The following MACO1 variants were observed in gnomAD, a reference collection of about 807,000 sequenced individuals.
MACO1 encodes the protein macoilin.
MACO1 carries 14 observed loss-of-function variants against 78.7 expected under a neutral mutation model. The ratio of observed to expected loss-of-function variants is 0.18; its 90% confidence interval spans 0.12 to 0.28. The LOEUF is 0.28. Among genes scored for constraint, MACO1 ranks in the 10% least tolerant of loss-of-function variants. The probability of loss-of-function intolerance (pLI) is 1.00; values close to 1 mark genes in which losing one functional copy is unlikely to be tolerated. For synonymous variants in MACO1, 288 were observed against 291.6 expected (o/e 0.99, Z 0.12); for missense variants, 501 against 799.0 (o/e 0.63, Z 4.50).
rs1307448779 is a variant in MACO1, at chr1:25,430,980, G to C, written c.-119G>C. 1 of 554,406 alleles carries C rather than the reference G, an allele frequency of 1.8e-6. No homozygotes were observed. Among genetic ancestry groups the C allele is most frequent in the East Asian group, 4.2e-5 (1 of 23,536 alleles). The allele number at this position is 554,406 out of a possible 1,614,324, so 34.3% of individuals were successfully genotyped here. A position where few individuals can be genotyped will look rare whatever the true frequency, so the allele number is the denominator to read the frequency against. Reference sequence around the variant, plus strand: ...CCCTCCCCCCGGGTGCTGGCTCCATGTCTGTGTGACCGGCCTCAGGGGTAG... The same window carrying C: ...CCCTCCCCCCGGGTGCTGGCTCCATCTCTGTGTGACCGGCCTCAGGGGTAG... On this transcript the variant is annotated 5_prime_UTR_variant, in exon 1 of 11. It removes an upstream start codon present in the reference 5' UTR. Transcript: ENST00000374343.
At position 25,499,465 on chromosome 1, in the gene MACO1, TCA is replaced by T. The variant is rs2043568575; in HGVS notation, c.*1000_*1001del. 1.3e-5 allele frequency: 2 copies of T among 148,754 alleles called. No homozygotes were observed. 9.2% of individuals were successfully genotyped at this position (148,754 alleles called of 1,614,324 possible). Reference sequence around the variant, plus strand: ...GTTTTTTTTTTTTTGTTTTGTTTTTTCATTTCATTTAACTGTGCTTTCTCCAC... The same window carrying T: ...GTTTTTTTTTTTTTGTTTTGTTTTTTTTTCATTTAACTGTGCTTTCTCCAC... On this transcript the variant is annotated 3_prime_UTR_variant, in exon 11 of 11. Transcript: ENST00000374343.
intron 9 of MACO1, 72 bp from the exon 10 acceptor site, chr1:25,491,338 G>A: frequency 6.3e-7 from 1 of 1,586,378 alleles, no homozygotes; most frequent in Non-Finnish European, 8.6e-7. Context: ...TTTAATTTGT[G>A]ATTTCAGGCT....
rs569288167 is a variant in MACO1, at chr1:25,458,418, C to G, written c.680C>G (p.Ser227Cys). 1 of 1,599,626 alleles carries G rather than the reference C, an allele frequency of 6.3e-7. No homozygotes were observed. The highest frequency in any genetic ancestry group is 1.4e-5 in the African/African-American group (1 of 73,490). Residue 227 changes from serine (S) to cysteine (C), a missense_variant, in exon 6 of 11, where the codon TCT (serine) becomes TGT (cysteine). Physicochemically the swap from Ser to Cys is moderately radical, Grantham distance 112. Coordinates refer to ENST00000374343, the MANE Select transcript of MACO1 (RefSeq NM_018202.6). ...GCCAAAGGATTACCTGATATGGATT[C>G]TTCGATCCTTATACACCACAATGGA... ...EAAKGLPDMDSSILIHHNGGI... is the reference protein window; with the variant it reads ...EAAKGLPDMDCSILIHHNGGI...
intron 3 of MACO1, among the ~76,000 whole-genome samples, chr1:25,450,827 G>A (rs939017237): frequency 6.6e-5 from 10 of 151,938 alleles, no homozygotes; most frequent in African/African-American, 1.9e-4. Context: ...TTTTACACTC[G>A]TCACTCTCCC....
chr1:25,491,261 T>C, intron 9 of MACO1, 149 bp from the exon 10 acceptor site: 4 of 923,310 alleles, frequency 4.3e-6, no homozygotes, highest in East Asian at 2.7e-5. Context: ...TAAACACATT[T>C]AGCACTTGCC....
chr1:25,444,068 A>G (rs1287557851), intron 1 of MACO1, among the ~76,000 whole-genome samples: 1 of 151,890 alleles, frequency 6.6e-6, no homozygotes, highest in African/African-American at 2.4e-5. Flanking sequence ...CCTGGCCAAC[A>G]TGGTGAAAAC....
chr1:25,431,251 G>C, intron 1 of MACO1, 73 bp downstream of exon 1: 1 of 1,239,386 alleles, frequency 8.1e-7, no homozygotes, highest in East Asian at 2.8e-5. Context: ...GCCTGGCCCC[G>C]TTATGTAACC....
intron 10 of MACO1, among the ~76,000 whole-genome samples, chr1:25,497,632 T>A (rs1557679601): frequency 6.6e-6 from 1 of 152,158 alleles, no homozygotes; most frequent in Non-Finnish European, 1.5e-5. Context: ...GGGCAAGTGA[T>A]GTGGGTCACA....
intron 2 of MACO1, 24 bp from the exon 3 acceptor site, chr1:25,448,784 A>C: frequency 6.7e-7 from 1 of 1,501,908 alleles, no homozygotes; most frequent in South Asian, 1.4e-5. Flanking sequence ...TGTATCTTTT[A>C]TTTTGTTTTA....
chr1:25,461,381 G>T lies in MACO1; in HGVS notation c.1154+2489G>T, dbSNP rs908362225. On this transcript the variant is annotated intron_variant, in intron 6 of 10. Transcript: ENST00000374343. Reference sequence around the variant, plus strand: ...TATAATAATAATAAAATAAAATAAAGAATACTATGCAAAGAATATAGGTTT... The same window carrying T: ...TATAATAATAATAAAATAAAATAAATAATACTATGCAAAGAATATAGGTTT... 3.3e-5 allele frequency among the ~76,000 whole-genome samples: 5 copies of T among 152,060 alleles called. No homozygotes were observed. The East Asian group carries it at 5.8e-4, about 18-fold the overall frequency.
intron 10 of MACO1, among the ~76,000 whole-genome samples, chr1:25,496,229 C>G (rs1391352409): frequency 1.3e-5 from 2 of 151,332 alleles, no homozygotes; most frequent in African/African-American, 4.9e-5. Context: ...CTCACTACAA[C>G]CTCCGCCTTC....
chr1:25,478,323 C>G (rs2043341067), intron 6 of MACO1, among the ~76,000 whole-genome samples: 2 of 152,174 alleles, frequency 1.3e-5, no homozygotes, highest in South Asian at 4.1e-4. Context: ...GATATTTTTC[C>G]TCTTTAGCCT....
chr1:25,454,416 G>GTC, intron 4 of MACO1, 34 bp downstream of exon 4: 1 of 1,351,110 alleles, frequency 7.4e-7, no homozygotes, highest in Non-Finnish European at 1.0e-6. Flanking sequence ...GTGTGTGTGT[G>GTC]TATATGTGTG....
intron 6 of MACO1, among the ~76,000 whole-genome samples, chr1:25,471,068 G>A (rs181986800): frequency 5.3e-5 from 8 of 151,540 alleles, no homozygotes; most frequent in Non-Finnish European, 7.4e-5. Context: ...GCCGGGTACG[G>A]TGGCTCACAC....
chr1:25,488,098 C>G (rs1330352483), intron 8 of MACO1, among the ~76,000 whole-genome samples: 1 of 152,208 alleles, frequency 6.6e-6, no homozygotes, highest in Non-Finnish European at 1.5e-5. Context: ...GTCACCCAGA[C>G]TGGAGTGCAA....
chr1:25,481,478 G>C (rs2043377479), intron 6 of MACO1, among the ~76,000 whole-genome samples: 1 of 152,134 alleles, frequency 6.6e-6, no homozygotes, highest in African/African-American at 2.4e-5. Context: ...CCTAAACTCT[G>C]TTACTAAACC....
At chr1:25,489,398 A>T (rs956821791) in intron 9 of MACO1, 105 bp downstream of exon 9, 164 of 1,239,376 alleles carry the variant, frequency 1.3e-4, no homozygotes, top group Non-Finnish European at 1.7e-4. Flanking sequence ...TATAGATCAA[A>T]TCTCATTGCA....
At chr1:25,456,877 T>G (rs774551781) in intron 5 of MACO1, 46 bp downstream of exon 5, 21 of 1,532,556 alleles carry the variant, frequency 1.4e-5, no homozygotes, top group Non-Finnish European at 1.8e-5. Context: ...CTAGTCATTA[T>G]TTTGTCTCTT....
chr1:25,450,910 A>G (rs1413676256), intron 3 of MACO1, among the ~76,000 whole-genome samples: 1 of 152,188 alleles, frequency 6.6e-6, no homozygotes, highest in Non-Finnish European at 1.5e-5. Context: ...CACCTCAAAT[A>G]TTCTGTGACT....
Sources: gnomAD v4.1 joint callset for allele counts (sites outside exome capture counted in the v4.1 genomes callset) on GRCh38, gnomAD v4.1.1 for gene constraint, MANE v1.5 for transcripts, NCBI Gene and HGNC (gene_info 2026-07-23, HGNC 2026-07-21) for gene names.